The following KCNS3 variants were observed in gnomAD, a reference collection of about 807,000 sequenced individuals.
KCNS3 encodes delayed-rectifier potassium channel regulatory subunit KCNS3.
Under a neutral mutation model 31.0 loss-of-function variants are expected in KCNS3, and 13 were observed. The ratio of observed to expected loss-of-function variants is 0.42; its 90% confidence interval spans 0.27 to 0.67. The LOEUF (loss-of-function observed/expected upper bound fraction) is 0.67. Among genes scored for constraint, KCNS3 ranks in the 30% least tolerant of loss-of-function variants. KCNS3 has a pLI of 0.25. For missense variants in KCNS3, 545 were observed against 622.4 expected (o/e 0.88, Z 1.32); for synonymous variants, 238 against 241.5 (o/e 0.99, Z 0.13).
At chr2:17,891,012 G>T (rs952510279) in intron 1 of KCNS3, among the ~76,000 whole-genome samples, 1 of 152,140 alleles carries the variant, frequency 6.6e-6, no homozygotes, top group Non-Finnish European at 1.5e-5. Context: ...GTCTAGTGTT[G>T]TCAGTAGAGT....
chr2:17,905,322 C>T (rs1016644263), intron 1 of KCNS3, among the ~76,000 whole-genome samples: 5 of 152,218 alleles, frequency 3.3e-5, no homozygotes, highest in African/African-American at 1.2e-4. Flanking sequence ...TATCCTGAGA[C>T]TTTGCTGAAG....
At position 17,923,403 on chromosome 2, in the gene KCNS3, T is replaced by G. The variant is rs371138966; in HGVS notation, c.-60+5532T>G. 1.7e-4 allele frequency among the ~76,000 whole-genome samples: 26 copies of G among 152,254 alleles called. 1 individual carries two copies. The highest frequency in any genetic ancestry group is 6.3e-4 in the African/African-American group (26 of 41,586). Reference sequence around the variant, plus strand: ...TGATTTGCAAATATTTTCTTCTATTTTGTGAGTTGTCTTCATTTTCTTGAT... The same window carrying G: ...TGATTTGCAAATATTTTCTTCTATTGTGTGAGTTGTCTTCATTTTCTTGAT... On this transcript the variant is annotated intron_variant, in intron 2 of 2. Transcript: ENST00000304101.
chr2:17,901,631 T>C (rs779138261), intron 1 of KCNS3, among the ~76,000 whole-genome samples: 1 of 152,000 alleles, frequency 6.6e-6, no homozygotes, highest in South Asian at 2.1e-4. Flanking sequence ...TCAGATGACA[T>C]TGGCTGATGA....
chr2:17,918,703 T>C (rs751956654), intron 2 of KCNS3, among the ~76,000 whole-genome samples: 16 of 152,198 alleles, frequency 1.1e-4, no homozygotes. Flanking sequence ...TAATACATGG[T>C]CCCTTCCACA....
At chr2:17,884,845 A>G (rs1661598964) in intron 1 of KCNS3, among the ~76,000 whole-genome samples, 1 of 151,796 alleles carries the variant, frequency 6.6e-6, no homozygotes, top group Admixed American at 6.6e-5. Context: ...CACTTTGAGT[A>G]CTTCTAGAAG....
At chr2:17,916,425 A>G (rs1480235786) in intron 1 of KCNS3, among the ~76,000 whole-genome samples, 1 of 152,074 alleles carries the variant, frequency 6.6e-6, no homozygotes, top group Non-Finnish European at 1.5e-5. Flanking sequence ...TAGCACCTGA[A>G]TTGATTTTAC....
At chr2:17,908,826 G>C (rs568255518) in intron 1 of KCNS3, among the ~76,000 whole-genome samples, 34 of 152,180 alleles carry the variant, frequency 2.2e-4, no homozygotes, top group Non-Finnish European at 4.9e-4. Context: ...TGGAAGCTTT[G>C]TCTCAGAGGG....
At chr2:17,879,226 G>A (rs1156322318) in intron 1 of KCNS3, among the ~76,000 whole-genome samples, 1 of 152,268 alleles carries the variant, frequency 6.6e-6, no homozygotes, top group Non-Finnish European at 1.5e-5. Flanking sequence ...GCATCCCCGG[G>A]GCGTTTCCTT....
At chr2:17,910,743 T>C (rs1662453219) in intron 1 of KCNS3, among the ~76,000 whole-genome samples, 1 of 152,164 alleles carries the variant, frequency 6.6e-6, no homozygotes, top group African/African-American at 2.4e-5. Context: ...TGTGGTCCTT[T>C]TGTAGCCGCA....
Position 17,932,187 on chromosome 2 carries a change from T to C in KCNS3, c.1179T>C (p.Cys393=). 1 of 1,614,032 alleles carries C rather than the reference T, an allele frequency of 6.2e-7. No individual in the cohort carries two copies. Among genetic ancestry groups the C allele is most frequent in the Non-Finnish European group, 8.5e-7 (1 of 1,179,960 alleles). The part of the protein sequence containing the change: ...GKLIASTCII[C]GILVVALPIT... ...TCATCGCCAGCACATGCATCATCTG[T>C]GGCATCTTGGTGGTGGCCCTTCCCA... Residue 393 remains cysteine (C), a synonymous_variant, in exon 3 of 3, where the codon TGT becomes TGC. Coordinates refer to ENST00000304101, the MANE Select transcript of KCNS3 (RefSeq NM_002252.5).
intron 2 of KCNS3, among the ~76,000 whole-genome samples, chr2:17,919,014 T>C (rs901310360): frequency 4.6e-5 from 7 of 152,238 alleles, no homozygotes; most frequent in Admixed American, 1.3e-4. Flanking sequence ...CCTCTTGTGG[T>C]AAAGTCCAGG....
chr2:17,893,886 A>G (rs1052252118), intron 1 of KCNS3, among the ~76,000 whole-genome samples: 2 of 147,216 alleles, frequency 1.4e-5, no homozygotes, highest in South Asian at 4.3e-4. Flanking sequence ...GAGCCTCCAC[A>G]TGCCGGAGCT....
rs145477834 is a variant in KCNS3, at chr2:17,912,029, G to A, written c.-251-5651G>A. Among the ~76,000 whole-genome samples the A allele has an allele frequency of 6.2e-3, 945 of 152,300 alleles. 2 individuals carry two copies. The highest frequency in any genetic ancestry group is 0.01 in the Non-Finnish European group (701 of 68,022). On this transcript the variant is annotated intron_variant, in intron 1 of 2. Coordinates refer to ENST00000304101, the MANE Select transcript of KCNS3 (RefSeq NM_002252.5). ...TTTCAGCATTTTTAATGGCTACAGA[G>A]TATTCATTGCATGGCTACCCCCAGT...
intron 1 of KCNS3, among the ~76,000 whole-genome samples, chr2:17,882,531 C>A (rs2125229862): frequency 1.3e-5 from 2 of 152,222 alleles, no homozygotes; most frequent in South Asian, 4.2e-4. Context: ...TATCGAGAGT[C>A]CTTGGGGAGT....
chr2:17,922,337 G>T (rs2125251440), intron 2 of KCNS3, among the ~76,000 whole-genome samples: 1 of 151,610 alleles, frequency 6.6e-6, no homozygotes, highest in South Asian at 2.1e-4. Context: ...TTACTTATTA[G>T]CTGGAATCCC....
At chr2:17,896,392 G>A (rs944883537) in intron 1 of KCNS3, among the ~76,000 whole-genome samples, 4 of 152,010 alleles carry the variant, frequency 2.6e-5, no homozygotes, top group Admixed American at 6.6e-5. Flanking sequence ...AGCCATCCAC[G>A]GAGGGGCAAA....
intron 2 of KCNS3, among the ~76,000 whole-genome samples, chr2:17,925,641 C>T (rs889592799): frequency 1.6e-4 from 25 of 152,076 alleles, no homozygotes; most frequent in Non-Finnish European, 3.2e-4. Flanking sequence ...TTTTTATCAA[C>T]CATCAGACCT....
At chr2:17,899,808 T>A (rs1662126028) in intron 1 of KCNS3, among the ~76,000 whole-genome samples, 1 of 152,256 alleles carries the variant, frequency 6.6e-6, no homozygotes. Context: ...ACTGTGACTC[T>A]TCTATTTATC....
rs775401718 is a variant in KCNS3 at position 17,931,863 on chromosome 2, G to A, written c.855G>A (p.Met285Ile). ...KEEESEDIEN[M>I]GKVVQILRLM... ...AAGAGAGTGAGGATATTGAGAACAT[G>A]GGCAAGGTGGTCCAGATCCTACGGC... is the stretch of plus-strand genomic sequence containing the variant. Residue 285 changes from methionine (M) to isoleucine (I), a missense_variant, in exon 3 of 3, where the codon ATG becomes ATA. Met to Ile is a conservative substitution (Grantham distance 10). Coordinates refer to ENST00000304101, the MANE Select transcript of KCNS3 (RefSeq NM_002252.5). This position sits in a 1 kb window ranked among gnomAD's most constrained non-coding sequence, Gnocchi z 5.4. 2.5e-6 allele frequency: 4 copies of A among 1,614,184 alleles called. No homozygotes were observed. The South Asian group carries it at 3.3e-5, about 13-fold the overall frequency.
Sources: gnomAD v4.1 joint callset for allele counts (sites outside exome capture counted in the v4.1 genomes callset) on GRCh38, gnomAD v4.1.1 for gene constraint, Gnocchi (gnomAD v3.1) non-coding constraint, MANE v1.5 for transcripts, NCBI Gene and HGNC (gene_info 2026-07-23, HGNC 2026-07-21) for gene names.